The following NBPF26 variants were observed in gnomAD, a reference collection of about 807,000 sequenced individuals.
NBPF26 encodes the protein NBPF member 26.
Under a neutral mutation model 119.6 loss-of-function variants are expected in NBPF26, and 79 were observed. The ratio of observed to expected loss-of-function variants is 0.66; its 90% CI spans 0.55 to 0.80. NBPF26 has a LOEUF of 0.80. NBPF26 is among the 30% of genes least tolerant of loss of function. NBPF26 has a pLI of 0.00. For synonymous variants in NBPF26, 299 were observed against 457.7 expected, an observed-to-expected ratio of 0.65 and a Z score of 4.43; for missense variants, 800 against 1,198.2, an observed-to-expected ratio of 0.67 and a Z score of 4.91.
rs1651878391 is a variant in NBPF26, at chr1:120,811,915, G to T, written c.1594G>T (p.Val532Phe). Residue 532 changes from valine (V) to phenylalanine (F), a missense_variant, in exon 10 of 30, where the codon GTC (valine) becomes TTC (phenylalanine). By Grantham distance (50) the Val-to-Phe change is conservative (BLOSUM62 -1). Coordinates refer to ENST00000620612, the Ensembl canonical transcript of NBPF26. ...TGGCCCCACCTCTTCTGCCACAAAC[G>T]TCAGCATGGTGGTATCAGCCGGCCC... 9 of 1,083,434 alleles carry T rather than the reference G, an allele frequency of 8.3e-6. 2 individuals carry two copies. The Admixed American group carries it at 1.4e-4, about 17-fold the overall frequency. The allele number at this position is 1,083,434 out of a possible 1,614,324, so 67.1% of individuals were successfully genotyped here.
chr1:120,832,356 C>T (rs1652356888), intron 22 of NBPF26, among the ~76,000 whole-genome samples, 196 bp downstream of exon 26: 2 of 99,986 alleles, frequency 2.0e-5, no homozygotes, highest in Non-Finnish European at 3.6e-5. Context: ...GCAAGACTCT[C>T]TTCCTAGTCT....
chr1:120,802,617 A>G (rs1437703763), intron 4 of NBPF26, among the ~76,000 whole-genome samples: 1 of 119,576 alleles, frequency 8.4e-6, no homozygotes, highest in African/African-American at 4.6e-5. Context: ...GCACAGCAAC[A>G]TGGCCAATCT....
chr1:120,802,710 C>T lies in NBPF26; in HGVS notation c.752-2846C>T, dbSNP rs1651595854. Among the ~76,000 whole-genome samples the T allele has an allele frequency of 1.7e-5, 2 of 119,128 alleles. 1 individual carries two copies. The highest frequency in any genetic ancestry group is 9.5e-5 in the African/African-American group (2 of 20,962). The allele number at this position is 119,128 out of a possible 152,430, so 78.2% of individuals were successfully genotyped here. A position where few individuals can be genotyped will look rare whatever the true frequency, so the allele number is the denominator to read the frequency against. ...AGCAGTCATAGGTAAGTAAGGAAGT[C>T]TTATAAACCTATTCTAGCCACCTAA... On this transcript the variant is annotated intron_variant, in intron 4 of 29. Coordinates refer to ENST00000620612, the Ensembl canonical transcript of NBPF26.
intron 1 of NBPF26, among the ~76,000 whole-genome samples, chr1:120,733,192 T>C (rs1650882790): frequency 9.5e-6 from 1 of 105,748 alleles, no homozygotes; most frequent in East Asian, 2.2e-4. Context: ...AATATACTAT[T>C]GTCAACACTA....
intron 1 of NBPF26, among the ~76,000 whole-genome samples, chr1:120,737,711 T>A (rs1268032030): frequency 8.0e-6 from 1 of 124,956 alleles, no homozygotes; most frequent in Non-Finnish European, 1.6e-5. Flanking sequence ...TTGAGACAAC[T>A]CGGCAGGTCT....
rs1464559712 is a variant in NBPF26, at chr1:120,767,706, T to C, written c.155+3997T>C. On this transcript the variant is annotated intron_variant, in intron 2 of 29. Coordinates refer to ENST00000620612, the Ensembl canonical transcript of NBPF26. ...TGGGAGGTGTAAATATGTAATTAAA[T>C]TTGATGTCATTAATCACTTTCAAGT... 4.4e-5 allele frequency among the ~76,000 whole-genome samples: 5 copies of C among 114,108 alleles called. 1 individual carries two copies. The highest frequency in any genetic ancestry group is 8.4e-5 in the Admixed American group (1 of 11,854). 74.9% of individuals were successfully genotyped at this position (114,108 alleles called of 152,430 possible).
exon 8 of NBPF26, chr1:120,809,865 T>C (rs1159820458): frequency 3.0e-6 from 4 of 1,313,796 alleles, no homozygotes; most frequent in African/African-American, 2.7e-5. Flanking sequence ...GAGAAAGTAC[T>C]GGAATCATCT....
In NBPF26 at chr1:120,839,650, A is replaced by T; in HGVS notation, c.4013A>T (p.Lys1338Met). The T allele has an allele frequency of 7.2e-4, 57 of 78,970 alleles. 4 individuals are homozygous for T. The highest frequency in any genetic ancestry group is 3.1e-3 in the Admixed American group (15 of 4,816). The allele number at this position is 78,970 out of a possible 1,614,324, so 4.9% of individuals were successfully genotyped here. The change falls in exon 29 of 30, where the codon AAG becomes ATG. Residue 1338 changes from lysine (K) to methionine (M), a missense_variant. By Grantham distance (95) the Lys-to-Met change is moderately conservative. Transcript: ENST00000620612. ...ATTGCAGAAATTGAAAAGAAGGGGA[A>T]GGGGAAGAAAAGAAGGGGAAGAAGA... is the stretch of plus-strand genomic sequence containing the variant.
Position 120,817,021 on chromosome 1 carries a change from A to G in NBPF26, c.2371+194A>G, listed in dbSNP as rs79247695. Among the ~76,000 whole-genome samples, 3 of 118,666 alleles carry G rather than the reference A, an allele frequency of 2.5e-5. No individual in the cohort carries two copies. The East Asian group carries it at 6.1e-4, about 24-fold the overall frequency. 77.8% of individuals were successfully genotyped at this position (118,666 alleles called of 152,430 possible). ...GCCAGTCCCCAGTATCAAGTTACTC[A>G]ACCCCAGGCAAGTGTGACAATCTCA... On this transcript the variant is annotated intron_variant, in intron 14 of 29. Coordinates refer to ENST00000620612, the Ensembl canonical transcript of NBPF26.
chr1:120,832,564 C>T (rs1274265699), intron 22 of NBPF26, among the ~76,000 whole-genome samples: 1 of 117,320 alleles, frequency 8.5e-6, no homozygotes, highest in Non-Finnish European at 1.6e-5. Context: ...AGTTTTTCTC[C>T]TAGAAATCAT....
chr1:120,824,096 C>T lies in NBPF26; in HGVS notation c.2762C>T (p.Ala921Val), dbSNP rs1553272466. 1.8e-4 allele frequency: 83 copies of T among 465,582 alleles called. 10 individuals carry two copies. The highest frequency in any genetic ancestry group is 2.3e-4 in the Non-Finnish European group (65 of 276,702). The allele number at this position is 465,582 out of a possible 1,614,324, so 28.8% of individuals were successfully genotyped here. A position where few individuals can be genotyped will look rare whatever the true frequency, so the allele number is the denominator to read the frequency against. Reference sequence around the variant, plus strand: ...GACTCATGCCAGCCCTACAGAAGTGCCTTTTACGTATTGGAGCAACAGCGT... The same window carrying T: ...GACTCATGCCAGCCCTACAGAAGTGTCTTTTACGTATTGGAGCAACAGCGT... The change falls in exon 18 of 30, where the codon GCC becomes GTC. Residue 921 changes from alanine (A) to valine (V), a missense_variant. Physicochemically the swap from Ala to Val is moderately conservative, Grantham distance 64. Around this residue, in one of 13 missense-constraint regions of NBPF26, gnomAD observed 73 missense variants for 50.7 expected, o/e 1.44. Transcript: ENST00000620612.
chr1:120,829,465 T>C (rs1310345651), intron 18 of NBPF26, among the ~76,000 whole-genome samples: 1 of 100,146 alleles, frequency 1.0e-5, no homozygotes, highest in African/African-American at 6.8e-5. Flanking sequence ...TAGCAACCAT[T>C]TGGGGGCAAT....
At position 120,745,240 on chromosome 1, in the gene NBPF26, G is replaced by A. The variant is rs1450255017; in HGVS notation, c.74-18388G>A. ...TTTTTAAACTGCAGATCATGACCAC[G>A]AATGGGTCATGAAACCAATTTGGTA... On this transcript the variant is annotated intron_variant, in intron 1 of 29. Coordinates refer to ENST00000620612, the Ensembl canonical transcript of NBPF26. Among the ~76,000 whole-genome samples the A allele has an allele frequency of 4.6e-5, 5 of 108,524 alleles. 1 individual carries two copies. The highest frequency in any genetic ancestry group is 3.5e-5 in the Non-Finnish European group (2 of 57,614). 71.2% of individuals were successfully genotyped at this position (108,524 alleles called of 152,430 possible). A position where few individuals can be genotyped will look rare whatever the true frequency, so the allele number is the denominator to read the frequency against.
At chr1:120,798,629 C>CT (rs1355268196) in intron 4 of NBPF26, among the ~76,000 whole-genome samples, 364 of 29,360 alleles carry the variant, frequency 0.012, 15 homozygotes, top group Non-Finnish European at 0.022. Context: ...CTTTTCTTTT[C>CT]TTTTTTTTTT....
intron 4 of NBPF26, among the ~76,000 whole-genome samples, chr1:120,798,288 A>AC (rs1651552882): frequency 2.3e-5 from 1 of 43,186 alleles, no homozygotes; most frequent in South Asian, 7.0e-4. Context: ...AATGAATTGA[A>AC]CGTGATAAAC....
At chr1:120,794,448 A>C (rs1423273445) in intron 4 of NBPF26, among the ~76,000 whole-genome samples, 1 of 116,136 alleles carries the variant, frequency 8.6e-6, no homozygotes, top group Non-Finnish European at 1.6e-5. Context: ...CAAAAGAAGG[A>C]AAACTGTAGG....
rs1553273387 is a variant in NBPF26, at chr1:120,840,315, C to T, written c.4104-35C>T. ...TGGGGCTCTGTGGTGTCCGATTTTC[C>T]CTGGCTGCTTCTTTAGTTTTGTCTC... On this transcript the variant is annotated intron_variant, in intron 29 of 29. Transcript: ENST00000620612. The T allele has an allele frequency of 3.8e-3, 5,480 of 1,444,022 alleles. 1,182 individuals carry two copies. The highest frequency in any genetic ancestry group is 0.018 in the Middle Eastern group (73 of 4,114). The allele number at this position is 1,444,022 out of a possible 1,614,324, so 89.5% of individuals were successfully genotyped here. A position where few individuals can be genotyped will look rare whatever the true frequency, so the allele number is the denominator to read the frequency against.
rs1353068267 is a variant in NBPF26 at position 120,781,603 on chromosome 1, G to A, written c.156-3371G>A. On this transcript the variant is annotated intron_variant, in intron 2 of 29. Coordinates refer to ENST00000620612, the Ensembl canonical transcript of NBPF26. Reference sequence around the variant, plus strand: ...TTTTGAGAGGGAGTCTCGCTCTGTCGCCCAGGCTGGAGTGCAGTGGCGCGA... The same window carrying A: ...TTTTGAGAGGGAGTCTCGCTCTGTCACCCAGGCTGGAGTGCAGTGGCGCGA... Among the ~76,000 whole-genome samples the A allele has an allele frequency of 8.5e-4, 37 of 43,694 alleles. 8 individuals are homozygous for A. The highest frequency in any genetic ancestry group is 5.1e-4 in the South Asian group (1 of 1,958). The allele number at this position is 43,694 out of a possible 152,430, so 28.7% of individuals were successfully genotyped here. A position where few individuals can be genotyped will look rare whatever the true frequency, so the allele number is the denominator to read the frequency against.
intron 1 of NBPF26, among the ~76,000 whole-genome samples, chr1:120,755,519 A>T (rs1651070126): frequency 1.0e-5 from 1 of 96,606 alleles, no homozygotes; most frequent in Admixed American, 1.0e-4. Flanking sequence ...AATAAAAGGA[A>T]AAACTACACA....
Sources: allele counts gnomAD v4.1 joint callset (sites outside exome capture counted in the v4.1 genomes callset), GRCh38; gene constraint gnomAD v4.1.1; regional missense constraint gnomAD v4.1.1; transcripts MANE v1.5; gene names NCBI Gene and HGNC (gene_info 2026-07-23, HGNC 2026-07-21).